Variants in ZNF668 observed in about 807,000 individuals in gnomAD.
The protein encoded by ZNF668 is zinc finger protein 668.
Under a neutral mutation model 40.3 loss-of-function variants are expected in ZNF668, and 10 were observed. That is an observed-to-expected ratio of 0.25 (90% CI 0.15 to 0.42). ZNF668 has a LOEUF of 0.42. Among genes scored for constraint, ZNF668 ranks in the 10% least tolerant of loss-of-function variants. The pLI, the probability that ZNF668 is intolerant of heterozygous loss-of-function variation, is 1.00. For missense variants in ZNF668, 749 were observed against 904.6 expected (o/e 0.83, Z 2.21); for synonymous variants, 428 against 384.6 (o/e 1.11, Z -1.32).
At chr16:31,064,540 A>G in intron 1 of ZNF668, 59 bp from the exon 2 acceptor site, 1 of 1,596,716 alleles carries the variant, frequency 6.3e-7, no homozygotes, top group Non-Finnish European at 8.5e-7. Flanking sequence ...TGAAAGCCTC[A>G]GAGAGAACCC....
intron 1 of ZNF668, among the ~76,000 whole-genome samples, chr16:31,066,685 C>T (rs1429247909): frequency 6.7e-6 from 1 of 148,720 alleles, no homozygotes; most frequent in African/African-American, 2.5e-5. Context: ...GCCTGGGAGA[C>T]AGGGCAAGAC....
chr16:31,073,099 T>C (rs1281019569), intron 1 of ZNF668: 1 of 148,560 alleles, frequency 6.7e-6, no homozygotes, highest in East Asian at 2.1e-4. Context: ...CAACCGTCTG[T>C]ACGCGGCGCC....
intron 1 of ZNF668, among the ~76,000 whole-genome samples, chr16:31,071,342 T>C (rs1353084744): frequency 6.6e-6 from 1 of 151,892 alleles, no homozygotes; most frequent in Non-Finnish European, 1.5e-5. Context: ...AACTTTTGTA[T>C]TTTTAGTAGA....
chr16:31,062,016 C>G lies in ZNF668; in HGVS notation c.912G>C (p.Gly304=). The change falls in exon 3 of 3, where the codon GGG becomes GGC. Residue 304 remains glycine (G), a synonymous_variant. Transcript: ENST00000300849. ...SFRRHQRAHE[G]VKPYHCEKCG... The stretch of plus-strand genomic sequence containing the variant: ...ACTTCTCGCAGTGGTATGGCTTCAC[C>G]CCTTCATGGGCGCGCTGGTGGCGAC... The G allele has an allele frequency of 6.2e-7, 1 of 1,613,694 alleles. No individual in the cohort carries two copies. The highest frequency in any genetic ancestry group is 8.5e-7 in the Non-Finnish European group (1 of 1,179,844).
At chr16:31,072,609 C>T (rs147894147) in intron 1 of ZNF668, 1 of 152,308 alleles carries the variant, frequency 6.6e-6, no homozygotes, top group Non-Finnish European at 1.5e-5. Flanking sequence ...CTTCCCATCT[C>T]TAAACAAGCA....
Position 31,062,058 on chromosome 16 carries a change from G to C in ZNF668, c.870C>G (p.Ser290=). ...FLCPRCGRMF[S]DPSSFRRHQR... is the part of the protein sequence containing the mutation. ...GGTGGCGACGGAAGCTCGAGGGGTC[G>C]GAGAACATGCGGCCGCAGCGCGGGC... The change falls in exon 3 of 3, where the codon TCC becomes TCG. Residue 290 remains serine (S), a synonymous_variant. Coordinates refer to ENST00000300849, the MANE Select transcript of ZNF668 (RefSeq NM_024706.5). 3 of 1,613,358 alleles carry C rather than the reference G, an allele frequency of 1.9e-6. No individual in the cohort carries two copies. Among genetic ancestry groups the C allele is most frequent in the Non-Finnish European group, 2.5e-6 (3 of 1,179,716 alleles).
chr16:31,073,072 G>A (rs2057028994), intron 1 of ZNF668: 1 of 115,944 alleles, frequency 8.6e-6, no homozygotes, highest in Non-Finnish European at 1.9e-5. Context: ...CAGAAACCCG[G>A]AGCTCCTCGC....
At chr16:31,071,516 T>C (rs1025348250) in intron 1 of ZNF668, among the ~76,000 whole-genome samples, 15 of 152,178 alleles carry the variant, frequency 9.9e-5, no homozygotes, top group African/African-American at 2.7e-4. Context: ...TGGAGTGCAG[T>C]GGCTCAATCA....
At chr16:31,066,482 A>C in intron 1 of ZNF668, 1 of 572,264 alleles carries the variant, frequency 1.7e-6, no homozygotes, top group Non-Finnish European at 2.2e-6. Flanking sequence ...CTGTGAACCC[A>C]GGGGTTCGAG....
chr16:31,067,572 G>T (rs1002752056), intron 1 of ZNF668, among the ~76,000 whole-genome samples: 3 of 152,138 alleles, frequency 2.0e-5, no homozygotes, highest in Non-Finnish European at 4.4e-5. Flanking sequence ...GACAGAGTTG[G>T]GTGAGGAATG....
intron 1 of ZNF668, chr16:31,069,203 T>A (rs1024336144): frequency 1.1e-4 from 17 of 152,190 alleles, no homozygotes; most frequent in African/African-American, 4.1e-4. Flanking sequence ...CCTGGGCAGA[T>A]CACTTGAGGC....
chr16:31,061,394 TC>T lies in ZNF668; in HGVS notation c.1533del (p.Lys512SerfsTer17). ...TCTCGGCACACAAACTGGGGGGGCT[TC>T]TCGTCAGCCTCCTCACCCCCCGCCT... The part of the protein sequence containing the change: ...AGEAGGEEAD[E>X]KPPQFVCREC... On this transcript the variant is annotated frameshift_variant, in exon 3 of 3. Coordinates refer to ENST00000300849, the MANE Select transcript of ZNF668 (RefSeq NM_024706.5). LOFTEE classifies it high-confidence loss of function. The surrounding 1 kb of genome is among the most constrained non-coding windows in gnomAD (Gnocchi z 7.7). 2 of 1,613,714 alleles carry T rather than the reference TC, an allele frequency of 1.2e-6. No individual in the cohort carries two copies. Among genetic ancestry groups the T allele is most frequent in the African/African-American group, 1.3e-5 (1 of 74,988 alleles).
intron 1 of ZNF668, among the ~76,000 whole-genome samples, chr16:31,069,594 G>A (rs1567401962): frequency 6.6e-6 from 1 of 151,760 alleles, no homozygotes; most frequent in Non-Finnish European, 1.5e-5. Flanking sequence ...ACCAACCAAG[G>A]AGCACTGAAT....
chr16:31,066,172 CA>C, intron 1 of ZNF668: 1 of 985,378 alleles, frequency 1.0e-6, no homozygotes, highest in Non-Finnish European at 1.2e-6. Context: ...GGTCTTCTCC[CA>C]AAAGTAATGA....
chr16:31,070,954 T>A (rs2359673), intron 1 of ZNF668, among the ~76,000 whole-genome samples: 1 of 152,104 alleles, frequency 6.6e-6, no homozygotes, highest in Non-Finnish European at 1.5e-5. Flanking sequence ...CTCTGCCTCC[T>A]GGGTTCAAGC....
In ZNF668 at chr16:31,060,891, C is replaced by A; in HGVS notation, c.*177G>T. On this transcript the variant is annotated 3_prime_UTR_variant, in exon 3 of 3. Coordinates refer to ENST00000300849, the MANE Select transcript of ZNF668 (RefSeq NM_024706.5). ...TTAATGAGTGTTACTCCTAGACAGT[C>A]ACGTCTCAGCTTCTGCCAGCCTCCA... The A allele has an allele frequency of 1.5e-6, 1 of 675,006 alleles. No homozygotes were observed. The highest frequency in any genetic ancestry group is 2.2e-6 in the Non-Finnish European group (1 of 453,848). 41.8% of individuals were successfully genotyped at this position (675,006 alleles called of 1,614,324 possible). A position where few individuals can be genotyped will look rare whatever the true frequency, so the allele number is the denominator to read the frequency against.
At position 31,060,883 on chromosome 16, in the gene ZNF668, T is replaced by TA; in HGVS notation, c.*184dup. On this transcript the variant is annotated 3_prime_UTR_variant, in exon 3 of 3. Transcript: ENST00000300849. ...TGAAAGCTTTAATGAGTGTTACTCC[T>TA]AGACAGTCACGTCTCAGCTTCTGCC... 1 of 629,172 alleles carries TA rather than the reference T, an allele frequency of 1.6e-6. No individual in the cohort carries two copies. Among genetic ancestry groups the TA allele is most frequent in the Non-Finnish European group, 2.4e-6 (1 of 416,918 alleles). 39.0% of individuals were successfully genotyped at this position (629,172 alleles called of 1,614,324 possible).
chr16:31,071,148 G>A (rs1336504796), intron 1 of ZNF668, among the ~76,000 whole-genome samples: 1 of 151,174 alleles, frequency 6.6e-6, no homozygotes, highest in Admixed American at 6.6e-5. Context: ...GAGCCACCAT[G>A]CCCGGCCTAT....
At chr16:31,071,002 C>T (rs1277790003) in intron 1 of ZNF668, among the ~76,000 whole-genome samples, 1 of 151,920 alleles carries the variant, frequency 6.6e-6, no homozygotes, top group African/African-American at 2.4e-5. Context: ...TTTGGGATTA[C>T]AGGTGCCTGC....
Sources: allele counts gnomAD v4.1 joint callset (sites outside exome capture counted in the v4.1 genomes callset), GRCh38; gene constraint gnomAD v4.1.1; non-coding constraint Gnocchi (gnomAD v3.1); transcripts MANE v1.5; gene names NCBI Gene and HGNC (gene_info 2026-07-23, HGNC 2026-07-21).